The following GRIP1 variants were observed in gnomAD, a reference collection of about 807,000 sequenced individuals.
GRIP1 encodes the protein glutamate receptor interacting protein 1, also known as glutamate receptor-interacting protein 1.
GRIP1 carries 45 observed loss-of-function variants against 129.9 expected under a neutral mutation model. The observed-to-expected ratio is 0.35, with a 90% CI of 0.27 to 0.44. The LOEUF (loss-of-function observed/expected upper bound fraction) is 0.44, where lower values mean the gene tolerates loss of function less well. Ranked by LOEUF, GRIP1 falls within the 20% of genes least tolerant of loss-of-function variation. The probability of loss-of-function intolerance (pLI) is 1.00; values close to 1 mark genes in which losing one functional copy is unlikely to be tolerated. For synonymous variants in GRIP1, 530 were observed against 520.8 expected (o/e 1.02, Z -0.24); for missense variants, 1,196 against 1,396.8 (o/e 0.86, Z 2.29).
intron 23 of GRIP1, among the ~76,000 whole-genome samples, chr12:66,363,645 A>G (rs1318847613): frequency 6.6e-6 from 1 of 152,082 alleles, no homozygotes; most frequent in Non-Finnish European, 1.5e-5. Context: ...AGTCATTTAC[A>G]TAAGAATTGT....
At chr12:66,706,376 G>C (rs538006257) in intron 1 of GRIP1, among the ~76,000 whole-genome samples, 1 of 151,848 alleles carries the variant, frequency 6.6e-6, no homozygotes, top group Admixed American at 6.6e-5. Context: ...ATAGATGCTG[G>C]TGAGGCTGTG....
At chr12:66,447,945 G>A (rs1290025979) in intron 11 of GRIP1, among the ~76,000 whole-genome samples, 1 of 152,158 alleles carries the variant, frequency 6.6e-6, no homozygotes, top group Non-Finnish European at 1.5e-5. Context: ...TTTGATGAAG[G>A]TTTGTTTCGA....
intron 1 of GRIP1, among the ~76,000 whole-genome samples, chr12:66,755,186 C>A (rs184621857): frequency 6.6e-6 from 1 of 152,124 alleles, no homozygotes; most frequent in African/African-American, 2.4e-5. Context: ...ACAGTGGTGC[C>A]TGCTAATATT....
chr12:66,635,664 G>A (rs2031289573), intron 1 of GRIP1, among the ~76,000 whole-genome samples: 1 of 151,874 alleles, frequency 6.6e-6, no homozygotes, highest in African/African-American at 2.4e-5. Flanking sequence ...CAGAAATCAA[G>A]AGAAGAAAAT....
At chr12:66,621,912 C>T (rs1045228418) in intron 1 of GRIP1, among the ~76,000 whole-genome samples, 4 of 152,050 alleles carry the variant, frequency 2.6e-5, no homozygotes, top group African/African-American at 4.8e-5. Flanking sequence ...AGGTCTTTTC[C>T]AGTCCTTTGC....
upstream of GRIP1, among the ~76,000 whole-genome samples, chr12:66,683,817 T>C (rs1456395033): frequency 6.6e-6 from 1 of 152,142 alleles, no homozygotes; most frequent in African/African-American, 2.4e-5. Flanking sequence ...ATGTTAAAGA[T>C]AGAATATGTA....
At chr12:66,873,571 A>T (rs563664327) in intron 1 of GRIP1, among the ~76,000 whole-genome samples, 11 of 152,126 alleles carry the variant, frequency 7.2e-5, no homozygotes, top group African/African-American at 2.2e-4. Context: ...ATCAGTATAT[A>T]ATTTGACTAT....
intron 1 of GRIP1, among the ~76,000 whole-genome samples, chr12:66,710,441 A>ATC (rs2035676768): frequency 6.6e-6 from 1 of 151,986 alleles, no homozygotes; most frequent in South Asian, 2.1e-4. Context: ...CTTCTTTCAC[A>ATC]TCTTGAAAAT....
intron 1 of GRIP1, among the ~76,000 whole-genome samples, chr12:66,606,898 T>C (rs1343168885): frequency 1.3e-5 from 2 of 152,086 alleles, no homozygotes; most frequent in Non-Finnish European, 2.9e-5. Flanking sequence ...AAATTTACCC[T>C]GGAAGCAACA....
At chr12:67,003,832 T>C (rs1295064569) in intron 1 of GRIP1, among the ~76,000 whole-genome samples, 1 of 152,248 alleles carries the variant, frequency 6.6e-6, no homozygotes, top group East Asian at 1.9e-4. Context: ...TTCCTGATGC[T>C]ACTATAATAA....
At position 66,348,700 on chromosome 12, in the gene GRIP1, T is replaced by C; in HGVS notation, c.*319A>G. The stretch of plus-strand genomic sequence containing the variant: ...ATTTTCAAACAGATGTTTCTCTTTT[T>C]AAAAAGTGATAGTAAGATGAACTTG... On this transcript the variant is annotated 3_prime_UTR_variant, in exon 25 of 25. Coordinates refer to ENST00000359742, the MANE Select transcript of GRIP1 (RefSeq NM_001366722.1). The C allele has an allele frequency of 3.2e-6, 1 of 313,172 alleles. No individual in the cohort carries two copies. Among genetic ancestry groups the C allele is most frequent in the Non-Finnish European group, 6.0e-6 (1 of 167,916 alleles). 19.4% of individuals were successfully genotyped at this position (313,172 alleles called of 1,614,324 possible).
chr12:66,464,956 T>TTC, intron 8 of GRIP1, among the ~76,000 whole-genome samples: 1 of 135,990 alleles, frequency 7.4e-6, no homozygotes, highest in Non-Finnish European at 1.5e-5. Context: ...CTTTCTTTCT[T>TTC]TTTTTTTTTT....
chr12:66,593,331 T>A (rs1469302047), intron 2 of GRIP1, among the ~76,000 whole-genome samples: 2 of 152,162 alleles, frequency 1.3e-5, no homozygotes, highest in African/African-American at 2.4e-5. Flanking sequence ...ATATTTGGCT[T>A]GTGATTATAA....
chr12:66,478,332 C>A (rs1349220149), intron 7 of GRIP1, among the ~76,000 whole-genome samples: 1 of 152,188 alleles, frequency 6.6e-6, no homozygotes, highest in East Asian at 1.9e-4. Context: ...AATGAGATAT[C>A]ATCTCACACA....
At chr12:66,737,881 A>T (rs765369642) in intron 1 of GRIP1, among the ~76,000 whole-genome samples, 2 of 152,222 alleles carry the variant, frequency 1.3e-5, no homozygotes, top group South Asian at 2.1e-4. Context: ...CAGACATTAG[A>T]CAGGTGATTG....
chr12:66,456,883 C>T (rs186624314), intron 9 of GRIP1, among the ~76,000 whole-genome samples: 8 of 152,212 alleles, frequency 5.3e-5, no homozygotes, highest in Non-Finnish European at 1.2e-4. Flanking sequence ...CTTGATTTTC[C>T]TCAACAATAA....
intron 1 of GRIP1, among the ~76,000 whole-genome samples, chr12:66,768,114 T>A (rs985767415): frequency 6.6e-6 from 1 of 152,170 alleles, no homozygotes; most frequent in Non-Finnish European, 1.5e-5. Context: ...GATTAAATGC[T>A]CTATTTGGTC....
intron 2 of GRIP1, among the ~76,000 whole-genome samples, chr12:66,581,012 A>C (rs2063355177): frequency 6.6e-6 from 1 of 152,194 alleles, no homozygotes; most frequent in Non-Finnish European, 1.5e-5. Context: ...TTGGAAGTAA[A>C]GCTCTCCTCA....
At chr12:66,830,452 C>A (rs1271891312) in intron 1 of GRIP1, among the ~76,000 whole-genome samples, 2 of 152,056 alleles carry the variant, frequency 1.3e-5, no homozygotes, top group Non-Finnish European at 2.9e-5. Flanking sequence ...CGCTGGCCTG[C>A]AGACAGATGA....
Sources: allele counts gnomAD v4.1 joint callset (sites outside exome capture counted in the v4.1 genomes callset), GRCh38; gene constraint gnomAD v4.1.1; transcripts MANE v1.5; gene names NCBI Gene and HGNC (gene_info 2026-07-23, HGNC 2026-07-21).